Variants in BMPR1B observed in about 807,000 individuals in gnomAD.
BMPR1B encodes the protein bone morphogenetic protein receptor type-1B.
A neutral mutation model predicts 59.1 loss-of-function variants in BMPR1B; 12 were observed. The ratio of observed to expected loss-of-function variants is 0.20; its 90% CI spans 0.13 to 0.33. BMPR1B has a LOEUF of 0.33. BMPR1B is among the 10% of genes least tolerant of loss of function. The pLI, the probability that BMPR1B is intolerant of heterozygous loss-of-function variation, is 1.00. For synonymous variants in BMPR1B, 237 were observed against 207.3 expected (o/e 1.14, Z -1.23); for missense variants, 550 against 610.9 (o/e 0.90, Z 1.05).
chr4:94,939,055 G>C lies in BMPR1B; in HGVS notation c.-112-56985G>C, dbSNP rs985726250. On this transcript the variant is annotated intron_variant, in intron 2 of 12. Coordinates refer to ENST00000515059, the MANE Select transcript of BMPR1B (RefSeq NM_001203.3). ...AAAGAAAAAAGATCCCAGATACTCT[G>C]ATTCCATGATCTGAACTCCGAGCCT... Among the ~76,000 whole-genome samples the C allele has an allele frequency of 2.6e-5, 4 of 152,078 alleles. No homozygotes were observed. The East Asian group carries it at 5.8e-4, about 22-fold the overall frequency.
At chr4:94,989,695 A>G (rs1231608916) in intron 2 of BMPR1B, among the ~76,000 whole-genome samples, 2 of 152,184 alleles carry the variant, frequency 1.3e-5, no homozygotes, top group African/African-American at 4.8e-5. Flanking sequence ...AAAAGCTGAA[A>G]CAATATACTA....
intron 3 of BMPR1B, among the ~76,000 whole-genome samples, chr4:95,083,493 GGTGT>G (rs147116926): frequency 6.6e-6 from 1 of 151,970 alleles, no homozygotes; most frequent in Non-Finnish European, 1.5e-5. Context: ...ATTTAAAAAG[GGTGT>G]GTGTGTGTTA....
At chr4:94,848,002 A>G (rs572274492) in intron 1 of BMPR1B, among the ~76,000 whole-genome samples, 2 of 152,318 alleles carry the variant, frequency 1.3e-5, no homozygotes, top group African/African-American at 2.4e-5. Context: ...ATTATTATGT[A>G]TTGAGTGCCT....
At position 95,105,725 on chromosome 4, in the gene BMPR1B, CTT is replaced by C. The variant is rs376665827; in HGVS notation, c.143+1159_143+1160del. Among the ~76,000 whole-genome samples, 79 of 152,086 alleles carry C rather than the reference CTT, an allele frequency of 5.2e-4. 1 individual carries two copies. The highest frequency in any genetic ancestry group is 1.8e-3 in the African/African-American group (75 of 41,524). ...TCCAGAGAGGTCTAGTAACTTGACT[CTT>C]GTACTACAAAGTTGTGACCACTGAA... is the stretch of plus-strand genomic sequence containing the variant. On this transcript the variant is annotated intron_variant, in intron 4 of 12. Coordinates refer to ENST00000515059, the MANE Select transcript of BMPR1B (RefSeq NM_001203.3).
At chr4:94,773,127 C>T (rs947936527) in intron 1 of BMPR1B, among the ~76,000 whole-genome samples, 16 of 151,918 alleles carry the variant, frequency 1.1e-4, no homozygotes, top group African/African-American at 2.9e-4. Context: ...TTCTCTTTTT[C>T]GGAAGAGGAA....
intron 2 of BMPR1B, among the ~76,000 whole-genome samples, chr4:94,917,815 T>A (rs1442408227): frequency 1.3e-5 from 2 of 151,994 alleles, no homozygotes; most frequent in Non-Finnish European, 2.9e-5. Flanking sequence ...AATAATACAG[T>A]TTGGATATTT....
intron 2 of BMPR1B, 47 bp downstream of exon 2, chr4:94,875,947 T>G (rs2148973329): frequency 6.5e-6 from 1 of 152,758 alleles, no homozygotes; most frequent in East Asian, 1.9e-4. Flanking sequence ...TTGGTAGGCA[T>G]CGTTACTGCT....
rs370488928 is a variant in BMPR1B at position 94,771,023 on chromosome 4, C to T, written c.-183+12955C>T. On this transcript the variant is annotated intron_variant, in intron 1 of 12. Coordinates refer to ENST00000515059, the MANE Select transcript of BMPR1B (RefSeq NM_001203.3). ...AAATTGCTAAGAAGTAATTATAACA[C>T]GAAATTAGGGAAACGTGAGGGGCTG... Among the ~76,000 whole-genome samples the T allele has an allele frequency of 1.2e-4, 18 of 151,718 alleles. No homozygotes were observed. In the South Asian group the frequency reaches 1.7e-3, roughly 14 times the overall value.
intron 1 of BMPR1B, among the ~76,000 whole-genome samples, chr4:94,761,795 A>G (rs572190638): frequency 3.9e-5 from 6 of 152,286 alleles, no homozygotes; most frequent in Admixed American, 3.9e-4. Flanking sequence ...TAGAGATACT[A>G]TTAATAATTT....
rs191926986 is a variant in BMPR1B, at chr4:94,916,209, A to G, written c.-113+40309A>G. ...CTGAGGAGTTAGGCATTACTAAAAG[A>G]TAACTGAAAATGTGGAAGCAGCTTT... On this transcript the variant is annotated intron_variant, in intron 2 of 12. Coordinates refer to ENST00000515059, the MANE Select transcript of BMPR1B (RefSeq NM_001203.3). Among the ~76,000 whole-genome samples the G allele has an allele frequency of 2.1e-3, 314 of 152,358 alleles. 1 individual carries two copies. The highest frequency in any genetic ancestry group is 6.5e-3 in the African/African-American group (272 of 41,590).
intron 2 of BMPR1B, among the ~76,000 whole-genome samples, chr4:94,889,779 C>T (rs1328025452): frequency 2.0e-5 from 3 of 151,976 alleles, no homozygotes; most frequent in African/African-American, 7.2e-5. Flanking sequence ...TGTGAAGTGA[C>T]TCTAGGTTTT....
In BMPR1B at chr4:95,156,039, G is replaced by T. The variant is rs1426979038; in HGVS notation, c.*1366G>T. On this transcript the variant is annotated 3_prime_UTR_variant, in exon 13 of 13. Coordinates refer to ENST00000515059, the MANE Select transcript of BMPR1B (RefSeq NM_001203.3). Reference sequence around the variant, plus strand: ...ACTCATTTTATTTTATTCTAGTGATGCTCAATTCACTATTTAATTTATTAT... The same window carrying T: ...ACTCATTTTATTTTATTCTAGTGATTCTCAATTCACTATTTAATTTATTAT... 6.6e-6 allele frequency: 1 copy of T among 152,016 alleles called. No homozygotes were observed. The highest frequency in any genetic ancestry group is 1.5e-5 in the Non-Finnish European group (1 of 67,984). The allele number at this position is 152,016 out of a possible 1,614,324, so 9.4% of individuals were successfully genotyped here.
intron 3 of BMPR1B, among the ~76,000 whole-genome samples, chr4:95,082,611 A>G (rs1050525241): frequency 1.2e-4 from 18 of 152,190 alleles, no homozygotes; most frequent in African/African-American, 1.7e-4. Context: ...TTTGAGACCA[A>G]TGGAAATTAA....
chr4:95,130,801 G>A (rs928430916), intron 9 of BMPR1B, among the ~76,000 whole-genome samples: 4 of 129,142 alleles, frequency 3.1e-5, no homozygotes, highest in Admixed American at 1.0e-4. Flanking sequence ...TGTGATCTCC[G>A]CTCACGGTAA....
chr4:94,917,970 C>G (rs1297835381), intron 2 of BMPR1B, among the ~76,000 whole-genome samples: 1 of 151,890 alleles, frequency 6.6e-6, no homozygotes, highest in Non-Finnish European at 1.5e-5. Flanking sequence ...TGTGGCACTT[C>G]CCTCCTCACT....
intron 1 of BMPR1B, among the ~76,000 whole-genome samples, chr4:94,802,806 C>G (rs1484667899): frequency 6.6e-6 from 1 of 151,274 alleles, no homozygotes; most frequent in Non-Finnish European, 1.5e-5. Flanking sequence ...TAAAAGTAGA[C>G]TGAGTCTATA....
intron 10 of BMPR1B, among the ~76,000 whole-genome samples, chr4:95,132,773 A>C (rs976192446): frequency 1.3e-5 from 2 of 152,084 alleles, no homozygotes; most frequent in African/African-American, 4.8e-5. Context: ...AAAACCCAGC[A>C]ATTTGTTAAT....
At chr4:94,967,313 C>A (rs895995431) in intron 2 of BMPR1B, among the ~76,000 whole-genome samples, 6 of 152,122 alleles carry the variant, frequency 3.9e-5, no homozygotes, top group African/African-American at 1.4e-4. Flanking sequence ...ACAACCATAG[C>A]CGTTCAGAAA....
intron 3 of BMPR1B, among the ~76,000 whole-genome samples, chr4:94,999,813 T>C (rs1488232285): frequency 6.6e-6 from 1 of 152,148 alleles, no homozygotes; most frequent in African/African-American, 2.4e-5. Flanking sequence ...AGTTCGGGTT[T>C]TAAGGAAATA....
Sources: allele counts gnomAD v4.1 joint callset (sites outside exome capture counted in the v4.1 genomes callset), GRCh38; gene constraint gnomAD v4.1.1; transcripts MANE v1.5; gene names NCBI Gene and HGNC (gene_info 2026-07-23, HGNC 2026-07-21).